Variants in CCDC183 observed in about 807,000 individuals in gnomAD.
CCDC183 encodes coiled-coil domain-containing protein 183.
Under a neutral mutation model 65.2 loss-of-function variants are expected in CCDC183, and 63 were observed. The ratio of observed to expected loss-of-function variants is 0.97; its 90% CI spans 0.79 to 1.19. The LOEUF (loss-of-function observed/expected upper bound fraction) is 1.19. Among genes scored for constraint, CCDC183 ranks in the 50% most tolerant of loss-of-function variants. The probability of loss-of-function intolerance (pLI) is 0.00; values close to 1 mark genes in which losing one functional copy is unlikely to be tolerated. For missense variants in CCDC183, 769 were observed against 689.3 expected (o/e 1.12, Z -1.30); for synonymous variants, 323 against 276.5 (o/e 1.17, Z -1.67).
At chr9:136,799,330 TG>T (rs1847700862) in intron 2 of CCDC183, 107 bp downstream of exon 2, 1 of 1,447,880 alleles carries the variant, frequency 6.9e-7, no homozygotes, top group Non-Finnish European at 9.1e-7. Flanking sequence ...CCAATCTTTC[TG>T]GATCCAGGGG....
intron 5 of CCDC183, 55 bp downstream of exon 5, chr9:136,800,548 C>A: frequency 1.9e-6 from 2 of 1,053,104 alleles, no homozygotes; most frequent in Middle Eastern, 2.1e-4. Context: ...CTGGGAGGGG[C>A]GGGAGCGTCC....
At chr9:136,797,843 C>T (rs926937586) in intron 1 of CCDC183, among the ~76,000 whole-genome samples, 16 of 150,696 alleles carry the variant, frequency 1.1e-4, no homozygotes, top group African/African-American at 3.9e-4. Flanking sequence ...TGTTTGGAGA[C>T]AGAGTCTCGC....
intron 5 of CCDC183, chr9:136,800,721 A>C: frequency 1.8e-6 from 1 of 551,204 alleles, no homozygotes; most frequent in Middle Eastern, 4.9e-4. Flanking sequence ...ACTTTCTTGC[A>C]CGTATTAAAT....
intron 1 of CCDC183, among the ~76,000 whole-genome samples, chr9:136,796,969 T>G (rs200555277): frequency 2.1e-5 from 3 of 142,520 alleles, no homozygotes; most frequent in South Asian, 4.5e-4. Flanking sequence ...TGCTGAGGAG[T>G]AGTGAAAGAG....
At chr9:136,799,430 A>G in intron 2 of CCDC183, 1 of 873,872 alleles carries the variant, frequency 1.1e-6, no homozygotes, top group Non-Finnish European at 1.7e-6. Flanking sequence ...ACCCAACCCG[A>G]GGGCTTGGCA....
chr9:136,799,224 G>T lies in CCDC183; in HGVS notation c.192+1G>T. 1 of 1,596,100 alleles carries T rather than the reference G, an allele frequency of 6.3e-7. No homozygotes were observed. Among genetic ancestry groups the T allele is most frequent in the Non-Finnish European group, 8.5e-7 (1 of 1,171,744 alleles). On this transcript the variant is annotated splice_donor_variant, in intron 2 of 13. Transcript: ENST00000338005. LOFTEE classifies it high-confidence loss of function. The stretch of plus-strand genomic sequence containing the variant: ...CCAGGACTGGGCTTTGGCCAAGAAG[G>T]TACACAAACGCCGCCCCTCCCCTCT...
Position 136,804,402 on chromosome 9 carries a change from T to C in CCDC183, c.667-100T>C, listed in dbSNP as rs1182502392. 3.4e-6 allele frequency: 5 copies of C among 1,458,866 alleles called. No individual in the cohort carries two copies. In the Admixed American group the frequency reaches 9.1e-5, roughly 27 times the overall value. 90.4% of individuals were successfully genotyped at this position (1,458,866 alleles called of 1,614,324 possible). On this transcript the variant is annotated intron_variant, in intron 6 of 13. Coordinates refer to ENST00000338005, the MANE Select transcript of CCDC183 (RefSeq NM_001039374.5). This position sits in a 1 kb window ranked among gnomAD's most constrained non-coding sequence, Gnocchi z 4.1. ...ATTGGCCGGGGATGCAGTTCCAAAG[T>C]CTAGTAAGGTGAGCATGGCCAACCG...
At position 136,800,529 on chromosome 9, in the gene CCDC183, G is replaced by A. The variant is rs757776130; in HGVS notation, c.543+36G>A. 9 of 1,500,048 alleles carry A rather than the reference G, an allele frequency of 6.0e-6. No homozygotes were observed. The South Asian group carries it at 1.1e-4, about 18-fold the overall frequency. The allele number at this position is 1,500,048 out of a possible 1,614,324, so 92.9% of individuals were successfully genotyped here. ...CGGCCCGGGAAGGGCGGGGGTCAGG[G>A]GCTGGGATCTGGGAGGGGCGGGAGC... On this transcript the variant is annotated intron_variant, in intron 5 of 13. Transcript: ENST00000338005.
intron 5 of CCDC183, among the ~76,000 whole-genome samples, chr9:136,801,169 G>A (rs1332230761): frequency 6.6e-6 from 1 of 152,138 alleles, no homozygotes. Context: ...AGGAGTGGTG[G>A]ACGGAGGCTG....
chr9:136,800,862 GC>G (rs1847728171), intron 5 of CCDC183: 2 of 213,938 alleles, frequency 9.3e-6, no homozygotes, highest in South Asian at 1.2e-4. Flanking sequence ...AGGGCTTGCT[GC>G]CGTCCCAGCC....
intron 13 of CCDC183, 143 bp from the exon 14 acceptor site, chr9:136,807,429 G>A: frequency 2.8e-6 from 3 of 1,076,478 alleles, no homozygotes; most frequent in Non-Finnish European, 3.9e-6. Flanking sequence ...GAATGGGCTG[G>A]GCTGAGTCCT....
chr9:136,800,332 A>G (rs1847719580), intron 4 of CCDC183, 57 bp from the exon 5 acceptor site: 1 of 1,519,484 alleles, frequency 6.6e-7, no homozygotes, highest in African/African-American at 1.4e-5. Flanking sequence ...CCCAGCCCCG[A>G]CACCCTCCGG....
intron 3 of CCDC183, 62 bp from the exon 4 acceptor site, chr9:136,799,940 C>T (rs989162017): frequency 1.9e-5 from 30 of 1,540,652 alleles, no homozygotes; most frequent in Admixed American, 1.0e-4. Context: ...CGCCCGCCTG[C>T]TGGCGGGCTC....
In CCDC183 at chr9:136,804,157, C is replaced by T. The variant is rs891327528; in HGVS notation, c.667-345C>T. The T allele has an allele frequency of 4.3e-5, 12 of 278,684 alleles. No individual in the cohort carries two copies. Among genetic ancestry groups the T allele is most frequent in the African/African-American group, 1.7e-4 (8 of 45,832 alleles). The allele number at this position is 278,684 out of a possible 1,614,324, so 17.3% of individuals were successfully genotyped here. ...TGACGGTTTTAGCTGCCCAAGGGCA[C>T]GCTGGAAGAGGCCAGGTTTTGGGGA... On this transcript the variant is annotated intron_variant, in intron 6 of 13. Transcript: ENST00000338005. The surrounding 1 kb of genome is among the most constrained non-coding windows in gnomAD (Gnocchi z 4.1).
rs573600624 is a variant in CCDC183, at chr9:136,800,240, C to A, written c.438+71C>A. ...AGACTCACGGGAGGGGCGGGGCCAC[C>A]GGGGGGCGGGACTTGCGGGTCCCCT... On this transcript the variant is annotated intron_variant, in intron 4 of 13. Transcript: ENST00000338005. 35 of 128,026 alleles carry A rather than the reference C, an allele frequency of 2.7e-4. No individual in the cohort carries two copies. The African/African-American group carries it at 3.2e-3, about 12-fold the overall frequency. The allele number at this position is 128,026 out of a possible 1,614,324, so 7.9% of individuals were successfully genotyped here. A position where few individuals can be genotyped will look rare whatever the true frequency, so the allele number is the denominator to read the frequency against.
In CCDC183 at chr9:136,806,072, G is replaced by C. The variant is rs185673307; in HGVS notation, c.949-6G>C. ...CACCTGCTTCTCTCTCCCCCGGACT[G>C]GCCAGGACATCACTAGCCGCTTCCT... On this transcript the variant is annotated splice_region_variant and splice_polypyrimidine_tract_variant and intron_variant, in intron 9 of 13. Transcript: ENST00000338005. 5 of 1,548,932 alleles carry C rather than the reference G, an allele frequency of 3.2e-6. No individual in the cohort carries two copies. Among genetic ancestry groups the C allele is most frequent in the Non-Finnish European group, 4.4e-6 (5 of 1,146,756 alleles).
intron 9 of CCDC183, chr9:136,805,677 C>A: frequency 1.8e-6 from 1 of 568,284 alleles, no homozygotes; most frequent in South Asian, 2.1e-5. Flanking sequence ...TATTATTAGG[C>A]CTTGAGCTCC....
In CCDC183 at chr9:136,800,183, G is replaced by A. The variant is rs1198289914; in HGVS notation, c.438+14G>A. On this transcript the variant is annotated intron_variant, in intron 4 of 13. Transcript: ENST00000338005. ...CGGCTGCTGCAGGTGGAGAGGCGGGGCTGGGAGGGCGGGGCGGAGTCCACT... is the reference window on the plus strand; with the variant it reads ...CGGCTGCTGCAGGTGGAGAGGCGGGACTGGGAGGGCGGGGCGGAGTCCACT... The A allele has an allele frequency of 6.6e-7, 1 of 1,513,084 alleles. No individual in the cohort carries two copies. Among genetic ancestry groups the A allele is most frequent in the Non-Finnish European group, 8.8e-7 (1 of 1,130,210 alleles). 93.7% of individuals were successfully genotyped at this position (1,513,084 alleles called of 1,614,324 possible).
At position 136,804,925 on chromosome 9, in the gene CCDC183, G is replaced by T. The variant is rs767878379; in HGVS notation, c.847+109G>T. On this transcript the variant is annotated intron_variant, in intron 8 of 13. Coordinates refer to ENST00000338005, the MANE Select transcript of CCDC183 (RefSeq NM_001039374.5). This position sits in a 1 kb window ranked among gnomAD's most constrained non-coding sequence, Gnocchi z 4.1. ...CTGAGGCCAGGTGTGACATGTGGTC[G>T]CCAGGGTGAAGGGAAGGACAGGTCC... is the stretch of plus-strand genomic sequence containing the variant. 1.1e-6 allele frequency: 1 copy of T among 944,796 alleles called. No individual in the cohort carries two copies. The highest frequency in any genetic ancestry group is 1.5e-5 in the South Asian group (1 of 68,520). 58.5% of individuals were successfully genotyped at this position (944,796 alleles called of 1,614,324 possible).
Sources: gnomAD v4.1 joint callset for allele counts (sites outside exome capture counted in the v4.1 genomes callset) on GRCh38, gnomAD v4.1.1 for gene constraint, Gnocchi (gnomAD v3.1) non-coding constraint, MANE v1.5 for transcripts, NCBI Gene and HGNC (gene_info 2026-07-23, HGNC 2026-07-21) for gene names.